The following ZNRF3 variants were observed in gnomAD, a reference collection of about 807,000 sequenced individuals.
ZNRF3 encodes the protein zinc and ring finger 3.
In ZNRF3, 23 loss-of-function variants were observed where a neutral mutation model predicts 72.5. The ratio of observed to expected loss-of-function variants is 0.32; its 90% CI spans 0.23 to 0.45. ZNRF3 has a LOEUF of 0.45. Ranked by LOEUF, ZNRF3 falls within the 20% of genes least tolerant of loss-of-function variation. The probability of loss-of-function intolerance (pLI) is 1.00; values close to 1 mark genes in which losing one functional copy is unlikely to be tolerated. For synonymous variants in ZNRF3, 610 were observed against 545.3 expected (o/e 1.12, Z -1.65); for missense variants, 1,169 against 1,272.1 (o/e 0.92, Z 1.23).
intron 1 of ZNRF3, among the ~76,000 whole-genome samples, chr22:28,900,690 A>G (rs903039960): frequency 6.6e-6 from 1 of 152,198 alleles, no homozygotes; most frequent in African/African-American, 2.4e-5. Flanking sequence ...CACCCCTTTG[A>G]AAAGAAACTT....
chr22:28,903,035 C>T (rs1022106612), intron 1 of ZNRF3, among the ~76,000 whole-genome samples: 36 of 152,224 alleles, frequency 2.4e-4, no homozygotes, highest in African/African-American at 7.9e-4. Flanking sequence ...TGTCCCTTCT[C>T]CCCTAGTGTG....
At chr22:28,959,837 G>A (rs2035324868) in intron 1 of ZNRF3, among the ~76,000 whole-genome samples, 1 of 152,186 alleles carries the variant, frequency 6.6e-6, no homozygotes, top group African/African-American at 2.4e-5. Flanking sequence ...TATGCACAAA[G>A]AACAGGTCAT....
chr22:29,032,760 A>G (rs570222764), intron 2 of ZNRF3, among the ~76,000 whole-genome samples: 65 of 152,346 alleles, frequency 4.3e-4, no homozygotes, highest in Non-Finnish European at 4.6e-4. Context: ...ACCCTGTGCC[A>G]GGCCTTTTGC....
intron 2 of ZNRF3, among the ~76,000 whole-genome samples, chr22:29,000,006 G>A (rs2036115762): frequency 6.6e-6 from 1 of 152,162 alleles, no homozygotes; most frequent in Non-Finnish European, 1.5e-5. Context: ...TTGATAAAAG[G>A]TACAGGGGAC....
chr22:29,008,768 A>G (rs1208795878), intron 2 of ZNRF3, among the ~76,000 whole-genome samples: 1 of 152,214 alleles, frequency 6.6e-6, no homozygotes, highest in Non-Finnish European at 1.5e-5. Flanking sequence ...CTTTAACCAG[A>G]AGGACTAAGG....
intron 1 of ZNRF3, among the ~76,000 whole-genome samples, chr22:28,902,711 T>C (rs1490381836): frequency 1.6e-4 from 24 of 152,220 alleles, no homozygotes; most frequent in Non-Finnish European, 1.5e-4. Flanking sequence ...TTTGCCTCTC[T>C]GGATCTCAGT....
chr22:28,887,859 T>G (rs558461118), intron 1 of ZNRF3, among the ~76,000 whole-genome samples: 1 of 152,356 alleles, frequency 6.6e-6, no homozygotes, highest in East Asian at 1.9e-4. Flanking sequence ...TGGTTGGTGA[T>G]GTTAAATAAA....
chr22:29,035,489 T>C (rs1385904205), intron 2 of ZNRF3, among the ~76,000 whole-genome samples: 6 of 152,252 alleles, frequency 3.9e-5, no homozygotes, highest in African/African-American at 1.4e-4. Flanking sequence ...CATCAATGCA[T>C]ATAAATATTG....
intron 2 of ZNRF3, among the ~76,000 whole-genome samples, chr22:29,021,880 A>G (rs1569284815): frequency 6.6e-6 from 1 of 152,136 alleles, no homozygotes. Context: ...ATATGCACAC[A>G]CACATACACA....
rs557631529 is a variant in ZNRF3, at chr22:29,050,664, G to A, written c.2483G>A (p.Arg828His). Residue 828 changes from arginine to histidine, a missense_variant, in exon 8 of 9, where the codon CGC becomes CAC. Around this residue, in one of 2 missense-constraint regions of ZNRF3, gnomAD observed 783 missense variants for 731.4 expected, o/e 1.07. Coordinates refer to ENST00000544604, the MANE Select transcript of ZNRF3 (RefSeq NM_001206998.2). ...CYPGARDLSQ[R>H]IPIIPEDVDC... ...CCCGGGGCCCGGGACCTGAGCCAGC[G>A]CATCCCCATCATTCCAGAGGATGTG... 4.3e-6 allele frequency: 7 copies of A among 1,612,266 alleles called. No homozygotes were observed. Among genetic ancestry groups the A allele is most frequent in the Middle Eastern group, 1.7e-4 (1 of 6,056 alleles).
At chr22:28,931,071 A>C (rs1192744633) in intron 1 of ZNRF3, among the ~76,000 whole-genome samples, 1 of 152,200 alleles carries the variant, frequency 6.6e-6, no homozygotes, top group Non-Finnish European at 1.5e-5. Flanking sequence ...ATACAAAGTG[A>C]GTGACATCGT....
rs76415832 is a variant in ZNRF3 at position 28,981,002 on chromosome 22, C to T, written c.301-6074C>T. On this transcript the variant is annotated intron_variant, in intron 1 of 8. Transcript: ENST00000544604. ...CATCCAAATATTTTAAGAAAATAAA[C>T]TCAGAAATGCCTATAACTTTTAAAT... Among the ~76,000 whole-genome samples the T allele has an allele frequency of 4.0e-3, 607 of 152,308 alleles. 1 individual carries two copies. The highest frequency in any genetic ancestry group is 7.0e-3 in the Non-Finnish European group (474 of 68,026).
In ZNRF3 at chr22:28,891,561, C is replaced by A. The variant is rs112951054; in HGVS notation, c.300+7495C>A. Among the ~76,000 whole-genome samples, 57 of 152,336 alleles carry A rather than the reference C, an allele frequency of 3.7e-4. 1 individual carries two copies. Among genetic ancestry groups the A allele is most frequent in the South Asian group, 1.9e-3 (9 of 4,828 alleles). ...TAACAGACAAGGTAGATGGCATGTG[C>A]CAGAGAGGTAAAGTCACTTGTCAAA... On this transcript the variant is annotated intron_variant, in intron 1 of 8. Coordinates refer to ENST00000544604, the MANE Select transcript of ZNRF3 (RefSeq NM_001206998.2).
chr22:29,016,939 C>T (rs114567405), intron 2 of ZNRF3, among the ~76,000 whole-genome samples: 6 of 152,208 alleles, frequency 3.9e-5, no homozygotes, highest in Non-Finnish European at 8.8e-5. Flanking sequence ...GGAAAGTTGT[C>T]TGCTCCCTAT....
chr22:29,003,700 TGTG>T (rs1238932670), intron 2 of ZNRF3, among the ~76,000 whole-genome samples: 3 of 149,600 alleles, frequency 2.0e-5, no homozygotes, highest in African/African-American at 7.4e-5. Flanking sequence ...ATTAGCCAGA[TGTG>T]GTGGTGCATG....
At chr22:28,952,711 T>A (rs1156922058) in intron 1 of ZNRF3, among the ~76,000 whole-genome samples, 4 of 152,336 alleles carry the variant, frequency 2.6e-5, no homozygotes, top group Admixed American at 1.3e-4. Context: ...GGTGTCGAGC[T>A]TTGACAGTTA....
intron 1 of ZNRF3, among the ~76,000 whole-genome samples, chr22:28,968,311 C>T (rs1569264829): frequency 6.6e-6 from 1 of 151,944 alleles, no homozygotes; most frequent in African/African-American, 2.4e-5. Flanking sequence ...TAAAAATATC[C>T]ATGTATTATT....
chr22:28,987,184 C>T lies in ZNRF3; in HGVS notation c.409C>T (p.Leu137Phe), dbSNP rs373618647. 6.2e-7 allele frequency: 1 copy of T among 1,613,626 alleles called. No individual in the cohort carries two copies. The highest frequency in any genetic ancestry group is 8.5e-7 in the Non-Finnish European group (1 of 1,179,792). Residue 137 changes from leucine (L) to phenylalanine (F), a missense_variant, in exon 2 of 9, where the codon CTC becomes TTC. Physicochemically the swap from Leu to Phe is conservative, Grantham distance 22. This residue lies in a region of ZNRF3 where 386 missense variants were observed against 540.7 expected (regional missense o/e 0.71). Transcript: ENST00000544604. ...GCCAGAATTGGACCCGAAACCATGC[C>T]TCACTGTCCTAGGCAAGGTAAGCAC... ...EQPELDPKPC[L>F]TVLGKAKRAV...
Position 29,042,648 on chromosome 22 carries a change from C to A in ZNRF3, c.501+79C>A. 4.0e-6 allele frequency: 5 copies of A among 1,260,042 alleles called. No individual in the cohort carries two copies. The South Asian group carries it at 5.0e-5, about 13-fold the overall frequency. The allele number at this position is 1,260,042 out of a possible 1,614,324, so 78.1% of individuals were successfully genotyped here. Reference sequence around the variant, plus strand: ...TTTAGTGAGCTTGGCTTGTCCCGGTCATGTCACCCTCATCTCAGAGCATTT... The same window carrying A: ...TTTAGTGAGCTTGGCTTGTCCCGGTAATGTCACCCTCATCTCAGAGCATTT... On this transcript the variant is annotated intron_variant, in intron 3 of 8. Coordinates refer to ENST00000544604, the MANE Select transcript of ZNRF3 (RefSeq NM_001206998.2).
Sources: allele counts gnomAD v4.1 joint callset (sites outside exome capture counted in the v4.1 genomes callset), GRCh38; gene constraint gnomAD v4.1.1; regional missense constraint gnomAD v4.1.1; transcripts MANE v1.5; gene names NCBI Gene and HGNC (gene_info 2026-07-23, HGNC 2026-07-21).